The following RNF24 variants were observed in gnomAD, a reference collection of about 807,000 sequenced individuals.
RNF24 encodes ring finger protein 24.
Under a neutral mutation model 20.0 loss-of-function variants are expected in RNF24, and 14 were observed. That is an observed-to-expected ratio of 0.70 (90% CI 0.46 to 1.10). The LOEUF is 1.10. Among genes scored for constraint, RNF24 ranks in the 50% least tolerant of loss-of-function variants. RNF24 has a pLI of 0.00. For missense variants in RNF24, 124 were observed against 177.6 expected (o/e 0.70, Z 1.71); for synonymous variants, 45 against 61.1 (o/e 0.74, Z 1.23).
chr20:3,994,322 G>A (rs960827644), intron 1 of RNF24, among the ~76,000 whole-genome samples: 3 of 152,160 alleles, frequency 2.0e-5, no homozygotes, highest in Non-Finnish European at 4.4e-5. Context: ...TGTATCAGTT[G>A]TATTTGTGAC....
chr20:3,979,091 C>CAAA (rs11472696), intron 1 of RNF24, among the ~76,000 whole-genome samples: 1 of 101,678 alleles, frequency 9.8e-6, no homozygotes, highest in Non-Finnish European at 2.0e-5. Context: ...GAGACTCTGT[C>CAAA]AAAAAAAAAA....
intron 1 of RNF24, among the ~76,000 whole-genome samples, chr20:3,990,882 T>C (rs1166178089): frequency 6.7e-6 from 1 of 149,396 alleles, no homozygotes. Context: ...TCTCTAAAAA[T>C]TAAAAAAAAA....
intron 1 of RNF24, among the ~76,000 whole-genome samples, chr20:3,997,561 G>A (rs1244893960): frequency 3.3e-5 from 5 of 151,734 alleles, no homozygotes; most frequent in Admixed American, 6.6e-5. Flanking sequence ...AGAGTAGCTC[G>A]AACCACAGAC....
intron 2 of RNF24, among the ~76,000 whole-genome samples, chr20:3,955,982 C>G (rs2091137243): frequency 6.6e-6 from 1 of 152,186 alleles, no homozygotes; most frequent in Non-Finnish European, 1.5e-5. Flanking sequence ...TGATCTTAGA[C>G]TCTGAAAGTT....
At chr20:4,003,075 T>C (rs895608102) in intron 1 of RNF24, among the ~76,000 whole-genome samples, 21 of 152,246 alleles carry the variant, frequency 1.4e-4, no homozygotes, top group African/African-American at 4.8e-4. Flanking sequence ...GTTCAAGTGA[T>C]TCTCCTGCCT....
intron 1 of RNF24, among the ~76,000 whole-genome samples, chr20:3,983,940 CAAAAA>C (rs56680870): frequency 1.5e-5 from 1 of 65,664 alleles, no homozygotes; most frequent in African/African-American, 6.2e-5. Flanking sequence ...GACTTGGTCT[CAAAAA>C]AAAAAAAAAA....
At chr20:3,974,234 G>A in intron 1 of RNF24, 1 of 1,209,742 alleles carries the variant, frequency 8.3e-7, no homozygotes. Context: ...ATGTTAAAAA[G>A]CATCTACAAA....
chr20:3,951,582 T>C (rs542050604), intron 2 of RNF24, among the ~76,000 whole-genome samples: 16 of 152,252 alleles, frequency 1.1e-4, no homozygotes, highest in Non-Finnish European at 2.2e-4. Flanking sequence ...GGAAATCTTC[T>C]ATAAGGAAGA....
rs2146936885 is a variant in RNF24 at position 3,934,482 on chromosome 20, T to C, written c.309-281A>G. Among the ~76,000 whole-genome samples, 1 of 152,266 alleles carries C rather than the reference T, an allele frequency of 6.6e-6. No individual in the cohort carries two copies. Among genetic ancestry groups the C allele is most frequent in the East Asian group, 1.9e-4 (1 of 5,180 alleles). The stretch of plus-strand genomic sequence containing the variant: ...AGTATGTGATACTCTCAGTTACCCA[T>C]GACTTCTTACAAGAACAAAATACAC... On this transcript the variant is annotated intron_variant, in intron 5 of 5. Coordinates refer to ENST00000358395, the MANE Select transcript of RNF24 (RefSeq NM_001134337.3). This position sits in a 1 kb window ranked among gnomAD's most constrained non-coding sequence, Gnocchi z 4.0.
At chr20:3,944,980 A>C (rs1470748738) in intron 4 of RNF24, among the ~76,000 whole-genome samples, 197 bp downstream of exon 4, 1 of 152,256 alleles carries the variant, frequency 6.6e-6, no homozygotes, top group Non-Finnish European at 1.5e-5. Context: ...CATCACTATT[A>C]AAAGTATGAG....
At chr20:3,948,906 G>T in intron 2 of RNF24, among the ~76,000 whole-genome samples, 1 of 152,194 alleles carries the variant, frequency 6.6e-6, no homozygotes, top group African/African-American at 2.4e-5. Flanking sequence ...CTGACATACA[G>T]TATTCCATTG....
At chr20:3,973,827 T>G (rs554569366) in intron 1 of RNF24, among the ~76,000 whole-genome samples, 2 of 152,286 alleles carry the variant, frequency 1.3e-5, no homozygotes, top group African/African-American at 4.8e-5. Flanking sequence ...TAAATAAGAA[T>G]GAGCACAAAT....
chr20:3,966,234 T>C (rs1263714503), intron 1 of RNF24, among the ~76,000 whole-genome samples: 3 of 151,476 alleles, frequency 2.0e-5, no homozygotes, highest in Admixed American at 2.0e-4. Flanking sequence ...AGTGGTATGG[T>C]AGAAAGACGG....
intron 1 of RNF24, among the ~76,000 whole-genome samples, chr20:3,987,409 G>GT (rs1185717972): frequency 3.9e-5 from 6 of 152,094 alleles, no homozygotes; most frequent in South Asian, 2.1e-4. Context: ...AAGAAAACAT[G>GT]TTTTTTTCTG....
At chr20:3,948,046 CAA>C (rs368947234) in intron 3 of RNF24, among the ~76,000 whole-genome samples, 189 bp downstream of exon 3, 14 of 92,260 alleles carry the variant, frequency 1.5e-4, no homozygotes, top group East Asian at 2.9e-4. Flanking sequence ...AACTCCGTCT[CAA>C]AAAAAAAAAA....
chr20:4,009,204 T>C (rs767648662), intron 1 of RNF24, among the ~76,000 whole-genome samples: 1 of 152,098 alleles, frequency 6.6e-6, no homozygotes, highest in South Asian at 2.1e-4. Context: ...GTACGTACTA[T>C]AGAGGAGGTA....
At chr20:3,947,809 G>A (rs971864699) in intron 3 of RNF24, among the ~76,000 whole-genome samples, 7 of 152,228 alleles carry the variant, frequency 4.6e-5, no homozygotes, top group African/African-American at 1.4e-4. Context: ...CACTTTGGGA[G>A]GCCGAGGCGG....
At chr20:3,975,867 T>G (rs1978825345) in intron 1 of RNF24, among the ~76,000 whole-genome samples, 1 of 151,868 alleles carries the variant, frequency 6.6e-6, no homozygotes. Flanking sequence ...AGGAACAACC[T>G]TGCTATTTTT....
At chr20:3,978,238 C>A (rs1256761624) in intron 1 of RNF24, among the ~76,000 whole-genome samples, 4 of 151,994 alleles carry the variant, frequency 2.6e-5, no homozygotes, top group East Asian at 3.9e-4. Flanking sequence ...GGGTTTCGCC[C>A]TGTTGGCCAG....
Sources: gnomAD v4.1 joint callset for allele counts (sites outside exome capture counted in the v4.1 genomes callset) on GRCh38, gnomAD v4.1.1 for gene constraint, Gnocchi (gnomAD v3.1) non-coding constraint, MANE v1.5 for transcripts, NCBI Gene and HGNC (gene_info 2026-07-23, HGNC 2026-07-21) for gene names.